LRRC37A2: variants seen among roughly 807,000 people sequenced by gnomAD.
LRRC37A2 encodes leucine rich repeat containing 37 member A2.
LRRC37A2 carries 9 observed loss-of-function variants against 68.8 expected under a neutral mutation model. That is an observed-to-expected ratio of 0.13 (90% CI 0.08 to 0.23). LRRC37A2 has a LOEUF of 0.23. Among genes scored for constraint, LRRC37A2 ranks in the 10% least tolerant of loss-of-function variants. LRRC37A2 has a pLI of 1.00. For missense variants in LRRC37A2, 168 were observed against 950.4 expected (o/e 0.18, Z 10.82); for synonymous variants, 63 against 367.6 (o/e 0.17, Z 9.48).
the LRRC37A2 span, among the ~76,000 whole-genome samples, chr17:46,872,343 T>A: frequency 0.05 from 7,567 of 152,292 alleles, 260 homozygotes; most frequent in African/African-American, 0.096. Context: ...TGCAGCAACC[T>A]TTGTTACATG....
chr17:46,751,685 A>AG, the LRRC37A2 span: 1 of 875,938 alleles, frequency 1.1e-6, no homozygotes, highest in Non-Finnish European at 1.7e-6. Flanking sequence ...AGGGTTCAGT[A>AG]TTTCCTTTGC....
the LRRC37A2 span, among the ~76,000 whole-genome samples, chr17:46,822,504 C>T: frequency 6.6e-6 from 1 of 152,202 alleles, no homozygotes; most frequent in Non-Finnish European, 1.5e-5. Context: ...CGCGGGCGCG[C>T]CCCCTGGCGG....
the LRRC37A2 span, among the ~76,000 whole-genome samples, chr17:46,836,341 A>T: frequency 6.6e-6 from 1 of 152,114 alleles, no homozygotes; most frequent in Non-Finnish European, 1.5e-5. Flanking sequence ...TTTGAACTTC[A>T]TTCATGAAGC....
chr17:46,749,040 CTTCCATGG>C, the LRRC37A2 span, among the ~76,000 whole-genome samples: 1 of 152,106 alleles, frequency 6.6e-6, no homozygotes, highest in Non-Finnish European at 1.5e-5. Flanking sequence ...AAATCCCCAT[CTTCCATGG>C]TAGGAAGTTA....
At chr17:46,726,788 A>T in the LRRC37A2 span, among the ~76,000 whole-genome samples, 1 of 152,222 alleles carries the variant, frequency 6.6e-6, no homozygotes, top group South Asian at 2.1e-4. Flanking sequence ...CAATGATAGT[A>T]TTCATTTTAA....
At chr17:46,610,027 T>TC in the LRRC37A2 span, among the ~76,000 whole-genome samples, 2 of 109,544 alleles carry the variant, frequency 1.8e-5, no homozygotes, top group East Asian at 2.1e-4. Flanking sequence ...CTTTCTTTCT[T>TC]TCTCTCTCTC....
At chr17:46,799,797 A>T in the LRRC37A2 span, among the ~76,000 whole-genome samples, 10 of 152,132 alleles carry the variant, frequency 6.6e-5, no homozygotes, top group Non-Finnish European at 1.5e-4. Flanking sequence ...TTGAGATCAT[A>T]TTTTTTATTC....
At chr17:46,719,235 A>G in the LRRC37A2 span, among the ~76,000 whole-genome samples, 20 of 152,238 alleles carry the variant, frequency 1.3e-4, no homozygotes, top group Admixed American at 9.8e-4. This position sits in a 1 kb window ranked among gnomAD's most constrained non-coding sequence, Gnocchi z 4.3. Context: ...AAAATATGTA[A>G]CACATTAATT....
At chr17:46,938,941 G>C in the LRRC37A2 span, 1 of 1,496,584 alleles carries the variant, frequency 6.7e-7, no homozygotes, top group Non-Finnish European at 8.9e-7. Flanking sequence ...CATCTTGGAG[G>C]GGGAGCTAGT....
At chr17:46,734,371 G>A in the LRRC37A2 span, among the ~76,000 whole-genome samples, 1 of 151,850 alleles carries the variant, frequency 6.6e-6, no homozygotes, top group African/African-American at 2.4e-5. Context: ...GGTGACTTTT[G>A]CATTGGGCTT....
chr17:46,988,388 GT>G, the LRRC37A2 span, among the ~76,000 whole-genome samples: 3 of 152,218 alleles, frequency 2.0e-5, no homozygotes, highest in Non-Finnish European at 2.9e-5. Flanking sequence ...GTGCTGAAAT[GT>G]TTTGGAAGTG....
At chr17:46,725,201 T>C in the LRRC37A2 span, among the ~76,000 whole-genome samples, 3 of 152,222 alleles carry the variant, frequency 2.0e-5, no homozygotes, top group Non-Finnish European at 4.4e-5. Flanking sequence ...TTGGAACTTG[T>C]GTTGTTTCAA....
At chr17:47,020,518 G>T in the LRRC37A2 span, among the ~76,000 whole-genome samples, 1 of 151,094 alleles carries the variant, frequency 6.6e-6, no homozygotes, top group Non-Finnish European at 1.5e-5. Flanking sequence ...GGTGGCTCAC[G>T]CCTGTAATCC....
the LRRC37A2 span, among the ~76,000 whole-genome samples, chr17:46,761,523 C>T: frequency 2.0e-5 from 3 of 151,812 alleles, no homozygotes; most frequent in South Asian, 2.1e-4. Context: ...TTAGTAAAAA[C>T]GGGCTTTCAC....
chr17:46,749,669 G>A, the LRRC37A2 span: 21 of 1,091,024 alleles, frequency 1.9e-5, no homozygotes, highest in Middle Eastern at 5.8e-4. Flanking sequence ...CATTTGCATC[G>A]GCAAGATTAA....
At chr17:46,926,122 A>T in the LRRC37A2 span, among the ~76,000 whole-genome samples, 4 of 152,002 alleles carry the variant, frequency 2.6e-5, no homozygotes, top group East Asian at 3.9e-4. Context: ...TCTCAAGACC[A>T]TTTTTTTTCC....
the LRRC37A2 span, chr17:46,938,570 G>GT: frequency 6.5e-3 from 10,047 of 1,537,348 alleles, 17 homozygotes; most frequent in Non-Finnish European, 7.9e-3. Flanking sequence ...CTTGATGTTT[G>GT]TTTTTTTTTC....
the LRRC37A2 span, among the ~76,000 whole-genome samples, chr17:46,661,380 TA>T: frequency 4.6e-5 from 3 of 65,794 alleles, no homozygotes; most frequent in Non-Finnish European, 8.6e-5. Context: ...CATTTCTTTT[TA>T]TTATTATTAT....
chr17:46,841,187 G>A, the LRRC37A2 span, among the ~76,000 whole-genome samples: 9 of 152,156 alleles, frequency 5.9e-5, no homozygotes, highest in Admixed American at 1.3e-4. Context: ...AACATGACAC[G>A]CATGATTTCA....
Sources: gnomAD v4.1 joint callset for allele counts (sites outside exome capture counted in the v4.1 genomes callset) on GRCh38, gnomAD v4.1.1 for gene constraint, Gnocchi (gnomAD v3.1) non-coding constraint, MANE v1.5 for transcripts, NCBI Gene and HGNC (gene_info 2026-07-23, HGNC 2026-07-21) for gene names.